Variants in PPP1R14A observed in about 807,000 individuals in gnomAD.
The protein encoded by PPP1R14A is protein phosphatase 1 regulatory subunit 14A.
A neutral mutation model predicts 14.1 loss-of-function variants in PPP1R14A; 9 were observed. The ratio of observed to expected loss-of-function variants is 0.64; its 90% CI spans 0.38 to 1.11. The LOEUF (loss-of-function observed/expected upper bound fraction) is 1.11. PPP1R14A is among the 50% of genes most tolerant of loss of function. The pLI is 0.01. For synonymous variants in PPP1R14A, 93 were observed against 88.7 expected (o/e 1.05, Z -0.27); for missense variants, 208 against 200.7 (o/e 1.04, Z -0.22).
At position 38,252,091 on chromosome 19, in the gene PPP1R14A, G is replaced by T. The variant is rs943766131; in HGVS notation, c.315+215C>A. 1 of 599,314 alleles carries T rather than the reference G, an allele frequency of 1.7e-6. No individual in the cohort carries two copies. Among genetic ancestry groups the T allele is most frequent in the East Asian group, 2.8e-5 (1 of 36,038 alleles). 37.1% of individuals were successfully genotyped at this position (599,314 alleles called of 1,614,324 possible). On this transcript the variant is annotated intron_variant, in intron 3 of 3. Transcript: ENST00000301242. This position sits in a 1 kb window ranked among gnomAD's most constrained non-coding sequence, Gnocchi z 4.1. ...AGGGCAGATGGGGGAGGACAGAATG[G>T]AGCCCCCTCAGCAGATGGGGGAGAG...
At position 38,256,200 on chromosome 19, in the gene PPP1R14A, T is replaced by TGCA; in HGVS notation, c.137_139dup (p.Leu46dup). The TGCA allele has an allele frequency of 6.5e-7, 1 of 1,550,318 alleles. No individual in the cohort carries two copies. Among genetic ancestry groups the TGCA allele is most frequent in the Non-Finnish European group, 8.7e-7 (1 of 1,151,662 alleles). On this transcript the variant is annotated inframe_insertion, in exon 1 of 4. Coordinates refer to ENST00000301242, the MANE Select transcript of PPP1R14A (RefSeq NM_033256.3). The surrounding 1 kb of genome is among the most constrained non-coding windows in gnomAD (Gnocchi z 5.7). Reference sequence around the variant, plus strand: ...CCACTTCTCCACGTCCAGCCGCCGCTGCAGCTCCCGCCGGTCATACTTGAC... The same window carrying TGCA: ...CCACTTCTCCACGTCCAGCCGCCGCTGCAGCAGCTCCCGCCGGTCATACTTGAC...
chr19:38,254,704 G>A (rs1351819581), intron 1 of PPP1R14A, among the ~76,000 whole-genome samples: 1 of 152,252 alleles, frequency 6.6e-6, no homozygotes, highest in Admixed American at 6.5e-5. Context: ...GTCAATACAT[G>A]TAGCTGTGGC....
In PPP1R14A at chr19:38,256,258, C is replaced by T. The variant is rs1287000526; in HGVS notation, c.82G>A (p.Gly28Arg). 2.0e-5 allele frequency: 31 copies of T among 1,548,154 alleles called. No individual in the cohort carries two copies. Among genetic ancestry groups the T allele is most frequent in the Non-Finnish European group, 2.6e-5 (30 of 1,152,246 alleles). ...CGCGCGTGCCGCTTCTGCAGCCCCC[C>T]GGGACTGCCCCCTGGCCCGCGGGCC... ...SRARGPGGSP[G>R]GLQKRHARVT... Residue 28 changes from glycine to arginine, a missense_variant, in exon 1 of 4, where the codon GGG becomes AGG. Gly to Arg is a moderately radical substitution (Grantham distance 125). Transcript: ENST00000301242. The surrounding 1 kb of genome is among the most constrained non-coding windows in gnomAD (Gnocchi z 5.7).
intron 3 of PPP1R14A, 112 bp from the exon 4 acceptor site, chr19:38,251,558 TG>T: frequency 4.7e-6 from 2 of 428,710 alleles, no homozygotes; most frequent in South Asian, 4.2e-5. Context: ...GATTGTGGGG[TG>T]GGGGGAGTTA....
intron 1 of PPP1R14A, among the ~76,000 whole-genome samples, chr19:38,254,386 C>A (rs1345563993): frequency 6.6e-6 from 1 of 152,090 alleles, no homozygotes; most frequent in Non-Finnish European, 1.5e-5. Flanking sequence ...CTCACTGCAA[C>A]CTCCGCCTCC....
chr19:38,251,874 A>C (rs1968194650), intron 3 of PPP1R14A: 1 of 330,250 alleles, frequency 3.0e-6, no homozygotes, highest in African/African-American at 2.1e-5. Flanking sequence ...AGAAACATGA[A>C]TAGTTTTCCC....
chr19:38,256,273 G>A lies in PPP1R14A; in HGVS notation c.67C>T (p.Pro23Ser). 1.9e-6 allele frequency: 3 copies of A among 1,542,030 alleles called. No individual in the cohort carries two copies. In the South Asian group the frequency reaches 3.6e-5, roughly 18 times the overall value. The part of the protein sequence containing the change: ...KLQSPSRARG[P>S]GGSPGGLQKR... ...TGCAGCCCCCCGGGACTGCCCCCTG[G>A]CCCGCGGGCCCGCGATGGAGACTGC... The change falls in exon 1 of 4, where the codon CCA becomes TCA. Residue 23 changes from proline (P) to serine (S), a missense_variant. By Grantham distance (74) the Pro-to-Ser change is moderately conservative. Coordinates refer to ENST00000301242, the MANE Select transcript of PPP1R14A (RefSeq NM_033256.3). This position sits in a 1 kb window ranked among gnomAD's most constrained non-coding sequence, Gnocchi z 5.7.
chr19:38,253,736 G>GCCTGGGGCTTCAGGGCTGGATGGT (rs1968216812), intron 1 of PPP1R14A, among the ~76,000 whole-genome samples: 1 of 152,220 alleles, frequency 6.6e-6, no homozygotes, highest in African/African-American at 2.4e-5. Context: ...TCGGCTTCAG[G>GCCTGGGGCTTCAGGGCTGGATGGT]CCTGGGGCTT....
chr19:38,252,059 CA>C lies in PPP1R14A; in HGVS notation c.315+246del. ...GGCCAAAGGACAGGCACAGGAGAGGCAAAAACAGGGCAGATGGGGGAGGACA... is the reference window on the plus strand; with the variant it reads ...GGCCAAAGGACAGGCACAGGAGAGGCAAAACAGGGCAGATGGGGGAGGACA... On this transcript the variant is annotated intron_variant, in intron 3 of 3. Coordinates refer to ENST00000301242, the MANE Select transcript of PPP1R14A (RefSeq NM_033256.3). This position sits in a 1 kb window ranked among gnomAD's most constrained non-coding sequence, Gnocchi z 4.1. 1.8e-6 allele frequency: 1 copy of C among 570,118 alleles called. No homozygotes were observed. 35.3% of individuals were successfully genotyped at this position (570,118 alleles called of 1,614,324 possible). A position where few individuals can be genotyped will look rare whatever the true frequency, so the allele number is the denominator to read the frequency against.
intron 1 of PPP1R14A, among the ~76,000 whole-genome samples, chr19:38,254,656 C>T (rs903572285): frequency 2.6e-5 from 4 of 152,058 alleles, no homozygotes; most frequent in Admixed American, 2.6e-4. Flanking sequence ...GAAAGTGTGA[C>T]TTCAAGCAGA....
At chr19:38,255,624 C>T (rs1412580746) in intron 1 of PPP1R14A, among the ~76,000 whole-genome samples, 1 of 134,456 alleles carries the variant, frequency 7.4e-6, no homozygotes, top group Non-Finnish European at 1.6e-5. Flanking sequence ...TGTAGGTGAC[C>T]CCCCCCCAGC....
At chr19:38,253,556 A>G (rs965379333) in intron 1 of PPP1R14A, among the ~76,000 whole-genome samples, 4 of 152,026 alleles carry the variant, frequency 2.6e-5, no homozygotes, top group Non-Finnish European at 5.9e-5. Flanking sequence ...TCATGGCTCA[A>G]CTCAGCTGCT....
intron 3 of PPP1R14A, chr19:38,251,863 G>T (rs189708168): frequency 3.0e-6 from 1 of 333,968 alleles, no homozygotes; most frequent in Admixed American, 4.5e-5. Context: ...GAGCTAGTTG[G>T]AGAAACATGA....
At chr19:38,251,762 C>T (rs1481439192) in intron 3 of PPP1R14A, 3 of 422,174 alleles carry the variant, frequency 7.1e-6, no homozygotes, top group South Asian at 1.1e-4. Flanking sequence ...CAGAGAGAGA[C>T]ATAAGGACAG....
In PPP1R14A at chr19:38,252,006, C is replaced by CA; in HGVS notation, c.315+299dup. On this transcript the variant is annotated intron_variant, in intron 3 of 3. Transcript: ENST00000301242. The surrounding 1 kb of genome is among the most constrained non-coding windows in gnomAD (Gnocchi z 4.1). ...TGGCGGAGGCAGTGACAGGGGAGGA[C>CA]AGAGGGAGACTGAGCCCGAAGGCTG... 2.0e-6 allele frequency: 1 copy of CA among 491,906 alleles called. No homozygotes were observed. Among genetic ancestry groups the CA allele is most frequent in the South Asian group, 2.9e-5 (1 of 34,918 alleles). The allele number at this position is 491,906 out of a possible 1,614,324, so 30.5% of individuals were successfully genotyped here.
intron 1 of PPP1R14A, among the ~76,000 whole-genome samples, chr19:38,254,366 G>A (rs987943638): frequency 2.6e-5 from 4 of 151,978 alleles, no homozygotes; most frequent in East Asian, 1.9e-4. Flanking sequence ...GTACAATGGC[G>A]CGATCTTGGC....
At chr19:38,253,894 T>C (rs1158777060) in intron 1 of PPP1R14A, among the ~76,000 whole-genome samples, 1 of 152,198 alleles carries the variant, frequency 6.6e-6, no homozygotes, top group East Asian at 1.9e-4. Context: ...AGTGGCTTCG[T>C]ATAGTGGACT....
chr19:38,255,965 C>A (rs1044878496), intron 1 of PPP1R14A, among the ~76,000 whole-genome samples, 174 bp downstream of exon 1: 7 of 148,746 alleles, frequency 4.7e-5, no homozygotes, highest in African/African-American at 1.7e-4. Context: ...AAGCACAATG[C>A]CATAGAGCAC....
chr19:38,251,566 G>T, intron 3 of PPP1R14A, 120 bp from the exon 4 acceptor site: 1 of 679,304 alleles, frequency 1.5e-6, no homozygotes, highest in Non-Finnish European at 2.3e-6. Context: ...GGTGGGGGGA[G>T]TTAGGGGCGG....
Sources: allele counts gnomAD v4.1 joint callset (sites outside exome capture counted in the v4.1 genomes callset), GRCh38; gene constraint gnomAD v4.1.1; non-coding constraint Gnocchi (gnomAD v3.1); transcripts MANE v1.5; gene names NCBI Gene and HGNC (gene_info 2026-07-23, HGNC 2026-07-21).